The following IGSF11 variants were observed in gnomAD, a reference collection of about 807,000 sequenced individuals.
IGSF11 encodes the protein immunoglobulin superfamily member 11.
IGSF11 carries 22 observed loss-of-function variants against 41.0 expected under a neutral mutation model. That is an observed-to-expected ratio of 0.54 (90% CI 0.38 to 0.77). The LOEUF (loss-of-function observed/expected upper bound fraction) is 0.77, where lower values mean the gene tolerates loss of function less well. Ranked by LOEUF, IGSF11 falls within the 30% of genes least tolerant of loss-of-function variation. IGSF11 has a pLI of 0.00. For missense variants in IGSF11, 444 were observed against 530.8 expected (o/e 0.84, Z 1.61); for synonymous variants, 219 against 201.3 (o/e 1.09, Z -0.74).
At chr3:119,055,581 G>A (rs1941799857) in intron 1 of IGSF11, among the ~76,000 whole-genome samples, 2 of 152,034 alleles carry the variant, frequency 1.3e-5, no homozygotes, top group Admixed American at 1.3e-4. Flanking sequence ...AAGTTAACAA[G>A]GATACCCAGG....
intron 1 of IGSF11, among the ~76,000 whole-genome samples, chr3:118,989,197 C>T (rs1935542543): frequency 6.6e-6 from 1 of 152,200 alleles, no homozygotes; most frequent in Admixed American, 6.5e-5. Flanking sequence ...AGCAAATACA[C>T]AAGCAAAGGA....
chr3:119,120,238 A>C (rs2077314206), intron 1 of IGSF11, among the ~76,000 whole-genome samples: 1 of 152,252 alleles, frequency 6.6e-6, no homozygotes, highest in Non-Finnish European at 1.5e-5. Flanking sequence ...CTAATCCAAG[A>C]GTGATCCCTA....
At chr3:118,953,762 TG>T (rs991460400) in intron 1 of IGSF11, among the ~76,000 whole-genome samples, 1 of 152,190 alleles carries the variant, frequency 6.6e-6, no homozygotes, top group African/African-American at 2.4e-5. Flanking sequence ...GTTTTTTTCT[TG>T]CTAATTTGTT....
At chr3:118,932,095 A>T (rs1942909950) in intron 1 of IGSF11, among the ~76,000 whole-genome samples, 1 of 152,172 alleles carries the variant, frequency 6.6e-6, no homozygotes, top group Non-Finnish European at 1.5e-5. Context: ...ATATGTCAAC[A>T]ACACTTAAAA....
chr3:119,097,701 T>C (rs2076876641), intron 1 of IGSF11, among the ~76,000 whole-genome samples: 1 of 152,030 alleles, frequency 6.6e-6, no homozygotes, highest in Non-Finnish European at 1.5e-5. Context: ...AAAAGGAGAG[T>C]ACCTTTATTG....
intron 1 of IGSF11, among the ~76,000 whole-genome samples, chr3:119,134,941 T>G (rs906690493): frequency 5.9e-5 from 9 of 152,022 alleles, no homozygotes; most frequent in South Asian, 2.1e-4. Context: ...TTGACAAACC[T>G]AACAAAAACA....
At chr3:119,116,972 C>T (rs1297565731) in intron 1 of IGSF11, among the ~76,000 whole-genome samples, 1 of 152,050 alleles carries the variant, frequency 6.6e-6, no homozygotes, top group African/African-American at 2.4e-5. Flanking sequence ...CACCTGGTAC[C>T]TGGCCACCCC....
chr3:119,056,369 T>C (rs1239082385), intron 1 of IGSF11, among the ~76,000 whole-genome samples: 2 of 152,146 alleles, frequency 1.3e-5, no homozygotes, highest in South Asian at 4.1e-4. Context: ...CTAGAAAATC[T>C]AGAAGAAATG....
intron 1 of IGSF11, among the ~76,000 whole-genome samples, chr3:119,025,332 G>C (rs183526633): frequency 1.3e-5 from 2 of 152,076 alleles, no homozygotes; most frequent in Admixed American, 6.5e-5. Context: ...AATGAAAGCA[G>C]GCCTGGAGAA....
intron 1 of IGSF11, among the ~76,000 whole-genome samples, chr3:119,051,575 C>T (rs951176293): frequency 1.3e-5 from 2 of 152,072 alleles, no homozygotes; most frequent in African/African-American, 4.8e-5. Context: ...GTTATCAAGA[C>T]AGAAAGTCAA....
At chr3:119,035,297 A>G (rs1339405650), upstream of IGSF11, among the ~76,000 whole-genome samples, 1 of 152,206 alleles carries the variant, frequency 6.6e-6, no homozygotes, top group African/African-American at 2.4e-5. Flanking sequence ...CTCTTATAAA[A>G]CCTAAATAAT....
chr3:119,034,478 G>C (rs1940736629), intron 1 of IGSF11, 53 bp downstream of exon 1: 2 of 1,454,954 alleles, frequency 1.4e-6, no homozygotes, highest in African/African-American at 1.5e-5. Flanking sequence ...CTTCGCCCCG[G>C]GCCCGCCGAC....
At chr3:119,075,292 C>G (rs1227391739) in intron 1 of IGSF11, among the ~76,000 whole-genome samples, 1 of 152,030 alleles carries the variant, frequency 6.6e-6, no homozygotes, top group East Asian at 1.9e-4. Context: ...AAATTGAAAC[C>G]TTGAAGACAC....
At chr3:119,065,675 C>T (rs1256180480) in intron 1 of IGSF11, among the ~76,000 whole-genome samples, 6 of 151,758 alleles carry the variant, frequency 4.0e-5, no homozygotes, top group Non-Finnish European at 7.4e-5. Flanking sequence ...CAACTGTAAT[C>T]CCAGCTACTC....
At chr3:119,130,593 C>T (rs1487527733) in intron 1 of IGSF11, among the ~76,000 whole-genome samples, 2 of 152,230 alleles carry the variant, frequency 1.3e-5, no homozygotes, top group African/African-American at 4.8e-5. Context: ...CTCAGCAAGA[C>T]CTACTGCCTC....
intron 1 of IGSF11, among the ~76,000 whole-genome samples, chr3:118,936,750 C>A (rs1029791137): frequency 6.6e-6 from 1 of 152,172 alleles, no homozygotes; most frequent in Non-Finnish European, 1.5e-5. Context: ...TTTCTTTAGA[C>A]TCCTGTTTCC....
intron 1 of IGSF11, among the ~76,000 whole-genome samples, chr3:118,991,670 G>C (rs1381410598): frequency 6.6e-6 from 1 of 152,112 alleles, no homozygotes; most frequent in African/African-American, 2.4e-5. Context: ...AATGACAATG[G>C]ATATAAGATA....
chr3:119,021,830 A>C (rs1939321551), intron 1 of IGSF11, among the ~76,000 whole-genome samples: 1 of 152,208 alleles, frequency 6.6e-6, no homozygotes, highest in Admixed American at 6.5e-5. Flanking sequence ...AAATTGCTTA[A>C]ATGAATCAAT....
intron 1 of IGSF11, among the ~76,000 whole-genome samples, chr3:119,141,275 A>G (rs1050502100): frequency 1.3e-5 from 2 of 151,750 alleles, no homozygotes; most frequent in African/African-American, 4.8e-5. Context: ...AGCAATGCTT[A>G]GAGGAAAATT....
Sources: gnomAD v4.1 joint callset for allele counts (sites outside exome capture counted in the v4.1 genomes callset) on GRCh38, gnomAD v4.1.1 for gene constraint, MANE v1.5 for transcripts, NCBI Gene and HGNC (gene_info 2026-07-23, HGNC 2026-07-21) for gene names.